KPNA1: variants seen among roughly 807,000 people sequenced by gnomAD.
KPNA1 encodes the protein importin subunit alpha-5.
KPNA1 carries 10 observed loss-of-function variants against 70.5 expected under a neutral mutation model. The observed-to-expected ratio is 0.14, with a 90% CI of 0.09 to 0.24. KPNA1 has a LOEUF of 0.24. Ranked by LOEUF, KPNA1 falls within the 10% of genes least tolerant of loss-of-function variation. The pLI, the probability that KPNA1 is intolerant of heterozygous loss-of-function variation, is 1.00. For synonymous variants in KPNA1, 192 were observed against 221.9 expected (o/e 0.87, Z 1.20); for missense variants, 397 against 637.9 (o/e 0.62, Z 4.07).
Position 122,449,783 on chromosome 3 carries a change from C to A in KPNA1, c.754-46G>T, listed in dbSNP as rs368844444. On this transcript the variant is annotated intron_variant, in intron 8 of 13. Coordinates refer to ENST00000344337, the MANE Select transcript of KPNA1 (RefSeq NM_002264.4). ...TTATGAAATTCAATAGACTAAAAGC[C>A]AGAAGTGAGGTGAGATACTCAAGAA... The A allele has an allele frequency of 2.6e-6, 4 of 1,535,620 alleles. No individual in the cohort carries two copies. The African/African-American group carries it at 4.2e-5, about 16-fold the overall frequency.
At chr3:122,484,317 G>A (rs1278999173) in intron 2 of KPNA1, among the ~76,000 whole-genome samples, 1 of 152,080 alleles carries the variant, frequency 6.6e-6, no homozygotes, top group Non-Finnish European at 1.5e-5. Context: ...TGTACAAACT[G>A]AAATGTCTGT....
At chr3:122,446,834 G>C (rs1431969363) in intron 9 of KPNA1, among the ~76,000 whole-genome samples, 2 of 151,858 alleles carry the variant, frequency 1.3e-5, no homozygotes, top group African/African-American at 2.4e-5. Context: ...ATGATAAAGG[G>C]GATATCACCA....
intron 1 of KPNA1, among the ~76,000 whole-genome samples, chr3:122,499,913 T>TA (rs773266482): frequency 6.6e-6 from 1 of 152,230 alleles, no homozygotes; most frequent in African/African-American, 2.4e-5. Flanking sequence ...AAATGTTTGG[T>TA]AAAATTCAGC....
chr3:122,484,774 T>C (rs535189312), intron 2 of KPNA1, among the ~76,000 whole-genome samples: 2 of 152,330 alleles, frequency 1.3e-5, no homozygotes, highest in East Asian at 3.9e-4. Flanking sequence ...ACAGTATCAA[T>C]TCTCCAAACT....
rs372502083 is a variant in KPNA1, at chr3:122,462,945, G to A, written c.337+997C>T. Among the ~76,000 whole-genome samples, 8 of 152,230 alleles carry A rather than the reference G, an allele frequency of 5.3e-5. No individual in the cohort carries two copies. In the East Asian group the frequency reaches 5.8e-4, roughly 11 times the overall value. ...ATATCAAAAAAAGTACTTACCAGCC[G>A]GGTGCGGTGGCTCATGCCTGTAATC... On this transcript the variant is annotated intron_variant, in intron 4 of 13. Transcript: ENST00000344337.
At chr3:122,444,040 A>C (rs562935541) in intron 9 of KPNA1, among the ~76,000 whole-genome samples, 1 of 152,208 alleles carries the variant, frequency 6.6e-6, no homozygotes, top group African/African-American at 2.4e-5. Flanking sequence ...TCAACTGCAA[A>C]AGACAGACAC....
At chr3:122,496,144 G>A (rs1272333547) in intron 2 of KPNA1, among the ~76,000 whole-genome samples, 3 of 152,148 alleles carry the variant, frequency 2.0e-5, no homozygotes, top group African/African-American at 7.2e-5. Flanking sequence ...AAAGAAGAAA[G>A]TTGCACCCTT....
chr3:122,513,351 T>C (rs747929612), intron 1 of KPNA1, among the ~76,000 whole-genome samples: 8 of 152,234 alleles, frequency 5.3e-5, no homozygotes, highest in Admixed American at 1.3e-4. Context: ...GTCTCATCTA[T>C]CCATAAAACA....
chr3:122,434,355 C>T (rs940426112), intron 11 of KPNA1, among the ~76,000 whole-genome samples: 1 of 152,158 alleles, frequency 6.6e-6, no homozygotes, highest in African/African-American at 2.4e-5. Flanking sequence ...TTTTGTTCTG[C>T]CCACAGTAAC....
chr3:122,462,846 G>A (rs549611576), intron 4 of KPNA1, among the ~76,000 whole-genome samples: 9 of 152,124 alleles, frequency 5.9e-5, no homozygotes, highest in African/African-American at 1.9e-4. Context: ...TACTACCAAC[G>A]TTATAATCGG....
At chr3:122,514,285 G>A (rs984654083) in intron 1 of KPNA1, among the ~76,000 whole-genome samples, 5 of 151,902 alleles carry the variant, frequency 3.3e-5, no homozygotes, top group Admixed American at 2.6e-4. Context: ...TTCCCAAGAC[G>A]GTCCCTTTTT....
At chr3:122,478,894 CAAAA>C (rs57843662) in intron 2 of KPNA1, among the ~76,000 whole-genome samples, 10 of 18,690 alleles carry the variant, frequency 5.4e-4, no homozygotes, top group Admixed American at 1.7e-3. Flanking sequence ...AACCTCGTCT[CAAAA>C]AAAAAAAAAA....
chr3:122,430,402 A>G (rs990832329), intron 12 of KPNA1, among the ~76,000 whole-genome samples: 2 of 152,086 alleles, frequency 1.3e-5, no homozygotes, highest in African/African-American at 4.8e-5. Flanking sequence ...ACTGATTTAT[A>G]TTAATTAGCC....
rs571192164 is a variant in KPNA1, at chr3:122,457,868, A to G, written c.432+3356T>C. ...GCTCACCTGGAGAGCAAGTGAAAAGAAAGGCTCACATCAGAAAAATAAACC... is the reference window on the plus strand; with the variant it reads ...GCTCACCTGGAGAGCAAGTGAAAAGGAAGGCTCACATCAGAAAAATAAACC... On this transcript the variant is annotated intron_variant, in intron 5 of 13. Coordinates refer to ENST00000344337, the MANE Select transcript of KPNA1 (RefSeq NM_002264.4). 1.1e-5 allele frequency: 14 copies of G among 1,287,958 alleles called. No homozygotes were observed. In the Admixed American group the frequency reaches 2.6e-4, roughly 24 times the overall value. The allele number at this position is 1,287,958 out of a possible 1,614,324, so 79.8% of individuals were successfully genotyped here. A position where few individuals can be genotyped will look rare whatever the true frequency, so the allele number is the denominator to read the frequency against.
At chr3:122,513,436 T>C (rs1203732461) in intron 1 of KPNA1, among the ~76,000 whole-genome samples, 14 of 152,238 alleles carry the variant, frequency 9.2e-5, no homozygotes, top group Admixed American at 9.2e-4. Flanking sequence ...TAAATTTTCA[T>C]CTCTTTGATC....
intron 9 of KPNA1, 21 bp downstream of exon 9, chr3:122,449,553 A>C (rs547013507): frequency 6.3e-7 from 1 of 1,593,000 alleles, no homozygotes; most frequent in Non-Finnish European, 8.6e-7. Flanking sequence ...AAGTGGACAC[A>C]CTTTCTAAAA....
chr3:122,429,446 CAAAAAAAAAAAAAA>C (rs57991855), intron 12 of KPNA1, among the ~76,000 whole-genome samples: 71 of 58,788 alleles, frequency 1.2e-3, no homozygotes, highest in African/African-American at 4.7e-3. Flanking sequence ...AACTCTGTCT[CAAAAAAAAAAAAAA>C]AAAAAAAAAG....
intron 2 of KPNA1, among the ~76,000 whole-genome samples, chr3:122,487,462 C>A (rs1203286332): frequency 6.6e-6 from 1 of 152,236 alleles, no homozygotes; most frequent in East Asian, 1.9e-4. Flanking sequence ...TTTGCACTCT[C>A]ATGCTCATTG....
chr3:122,481,834 A>T (rs1462986547), intron 2 of KPNA1, among the ~76,000 whole-genome samples: 1 of 152,248 alleles, frequency 6.6e-6, no homozygotes, highest in Non-Finnish European at 1.5e-5. Flanking sequence ...CATCAAGAAG[A>T]TGTAAGAACT....
Sources: allele counts gnomAD v4.1 joint callset (sites outside exome capture counted in the v4.1 genomes callset), GRCh38; gene constraint gnomAD v4.1.1; transcripts MANE v1.5; gene names NCBI Gene and HGNC (gene_info 2026-07-23, HGNC 2026-07-21).